TNRC18: variants seen among roughly 807,000 people sequenced by gnomAD.
The protein encoded by TNRC18 is trinucleotide repeat-containing gene 18 protein.
A neutral mutation model predicts 226.7 loss-of-function variants in TNRC18; 69 were observed. That is an observed-to-expected ratio of 0.30 (90% CI 0.25 to 0.37). The LOEUF is 0.37. Among genes scored for constraint, TNRC18 ranks in the 10% least tolerant of loss-of-function variants. The pLI is 1.00. For missense variants in TNRC18, 4,754 were observed against 4,256.6 expected (o/e 1.12, Z -3.25); for synonymous variants, 2,449 against 1,927.6 (o/e 1.27, Z -7.09).
At position 5,312,798 on chromosome 7, in the gene TNRC18, G is replaced by A. The variant is rs750779852; in HGVS notation, c.8093C>T (p.Ala2698Val). ...CTGCTTGGTGGCCTTGGTGGGGAGC[G>A]CCGCCTGCGCGGAAGGGCCAGCCGT... ...APTAGPSAQA[A>V]LPTKATKQAG... Residue 2698 changes from alanine to valine, a missense_variant, in exon 27 of 30, where the codon GCG becomes GTG. Ala to Val is a moderately conservative substitution (Grantham distance 64, BLOSUM62 0). Coordinates refer to ENST00000430969, the MANE Select transcript of TNRC18 (RefSeq NM_001080495.3). This position sits in a 1 kb window ranked among gnomAD's most constrained non-coding sequence, Gnocchi z 6.3. 214 of 1,533,320 alleles carry A rather than the reference G, an allele frequency of 1.4e-4. No individual in the cohort carries two copies. Among genetic ancestry groups the A allele is most frequent in the Non-Finnish European group, 1.7e-4 (196 of 1,144,262 alleles). The allele number at this position is 1,533,320 out of a possible 1,614,324, so 95.0% of individuals were successfully genotyped here.
intron 2 of TNRC18, 107 bp downstream of exon 2, chr7:5,420,953 G>T: frequency 7.1e-7 from 1 of 1,411,642 alleles, no homozygotes; most frequent in South Asian, 1.2e-5. Context: ...CCCCGTGGCC[G>T]ACCGAAGGAG....
At position 5,313,609 on chromosome 7, in the gene TNRC18, T is replaced by C; in HGVS notation, c.7282A>G (p.Ile2428Val). The change falls in exon 27 of 30, where the codon ATC becomes GTC. Residue 2428 changes from isoleucine (I) to valine (V), a missense_variant. Ile to Val is a conservative substitution (Grantham distance 29). Transcript: ENST00000430969. ...PATSLAPAPL[I>V]TMPATRPKPK... ...TTGGGGCGTGTGGCAGGCATGGTGA[T>C]GAGGGGTGCTGGGGCCAGGGAGGTG... The C allele has an allele frequency of 1.2e-6, 2 of 1,603,218 alleles. No individual in the cohort carries two copies.
At chr7:5,362,854 C>A in intron 11 of TNRC18, 29 bp from the exon 12 acceptor site, 1 of 1,474,822 alleles carries the variant, frequency 6.8e-7, no homozygotes, top group Admixed American at 2.5e-5. Context: ...TAACAGGGCG[C>A]TGCTGCCACC....
intron 2 of TNRC18, among the ~76,000 whole-genome samples, chr7:5,410,462 G>T (rs1242626162): frequency 2.6e-5 from 4 of 152,060 alleles, no homozygotes; most frequent in Non-Finnish European, 4.4e-5. Flanking sequence ...CAGAATGAAA[G>T]TCTTGAGTTT....
Position 5,370,932 on chromosome 7 carries a change from T to C in TNRC18, c.3662A>G (p.Asp1221Gly), listed in dbSNP as rs761963892. 6.2e-7 allele frequency: 1 copy of C among 1,605,232 alleles called. No individual in the cohort carries two copies. Among genetic ancestry groups the C allele is most frequent in the South Asian group, 1.1e-5 (1 of 91,078 alleles). Residue 1221 changes from aspartate (D) to glycine (G), a missense_variant, in exon 11 of 30, where the codon GAC (aspartate) becomes GGC (glycine). Asp to Gly is a moderately conservative substitution (Grantham distance 94). Coordinates refer to ENST00000430969, the MANE Select transcript of TNRC18 (RefSeq NM_001080495.3). ...CCGTGGTTCAGGCCCCTCCACAAAGTCTGGACACTCAGAGGGCTCTGCGCA... is the reference window on the plus strand; with the variant it reads ...CCGTGGTTCAGGCCCCTCCACAAAGCCTGGACACTCAGAGGGCTCTGCGCA... Reference protein sequence around the residue: ...QSCAEPSECPDFVEGPEPRVD... With the variant: ...QSCAEPSECPGFVEGPEPRVD...
chr7:5,334,415 G>C (rs985745335), intron 18 of TNRC18, among the ~76,000 whole-genome samples: 1 of 151,194 alleles, frequency 6.6e-6, no homozygotes, highest in Non-Finnish European at 1.5e-5. Flanking sequence ...TCCTGCCTCA[G>C]CCTCCTGAGT....
chr7:5,356,794 C>G lies in TNRC18; in HGVS notation c.5194+122G>C, dbSNP rs369679026. On this transcript the variant is annotated intron_variant, in intron 16 of 29. Coordinates refer to ENST00000430969, the MANE Select transcript of TNRC18 (RefSeq NM_001080495.3). ...CAAGCTCAGGCACTGTAGTGCGCCC[C>G]AGAGAGAGAGCGAGAGCGAGAGAGA... 2.6e-5 allele frequency: 36 copies of G among 1,366,536 alleles called. No homozygotes were observed. In the African/African-American group the frequency reaches 4.5e-4, roughly 17 times the overall value. The allele number at this position is 1,366,536 out of a possible 1,614,324, so 84.7% of individuals were successfully genotyped here. A position where few individuals can be genotyped will look rare whatever the true frequency, so the allele number is the denominator to read the frequency against.
At chr7:5,385,134 C>T (rs1168063984) in intron 5 of TNRC18, among the ~76,000 whole-genome samples, 1 of 152,182 alleles carries the variant, frequency 6.6e-6, no homozygotes, top group Non-Finnish European at 1.5e-5. Flanking sequence ...GCACTGCAGG[C>T]GGGAGGTCCA....
intron 5 of TNRC18, among the ~76,000 whole-genome samples, chr7:5,384,640 G>A (rs1203405922): frequency 6.6e-6 from 1 of 152,150 alleles, no homozygotes; most frequent in Non-Finnish European, 1.5e-5. Context: ...CATGTGACGG[G>A]AGGATCCTTC....
intron 18 of TNRC18, 45 bp downstream of exon 18, chr7:5,345,517 G>GCCTCCCCCCCCCC: frequency 2.6e-6 from 1 of 377,744 alleles, no homozygotes; most frequent in Non-Finnish European, 4.8e-6. Flanking sequence ...AATGGCGTCC[G>GCCTCCCCCCCCCC]CCCCTCCCAC....
intron 2 of TNRC18, among the ~76,000 whole-genome samples, chr7:5,396,438 G>A (rs895326237): frequency 2.6e-5 from 4 of 152,124 alleles, no homozygotes; most frequent in African/African-American, 9.7e-5. Context: ...GAGAGGATGG[G>A]TTGAGCCCAG....
At chr7:5,338,846 G>C (rs1583827089) in intron 18 of TNRC18, among the ~76,000 whole-genome samples, 1 of 150,546 alleles carries the variant, frequency 6.6e-6, no homozygotes, top group East Asian at 2.0e-4. Flanking sequence ...CTTGAACCCG[G>C]GAGGTGGAGG....
At position 5,389,147 on chromosome 7, in the gene TNRC18, CG is replaced by C; in HGVS notation, c.676del (p.Arg226AlafsTer16). ...PPPLFGKKDP[R>X]ARGEEASGPR... ...CCCCGAGGCCTCCTCGCCCCGGGCG[CG>C]CGGGTCCTTCTTGCCGAAAAGCGGA... is the stretch of plus-strand genomic sequence containing the variant. On this transcript the variant is annotated frameshift_variant, in exon 5 of 30. Coordinates refer to ENST00000430969, the MANE Select transcript of TNRC18 (RefSeq NM_001080495.3). LOFTEE classifies it high-confidence loss of function. 1 of 1,321,948 alleles carries C rather than the reference CG, an allele frequency of 7.6e-7. No individual in the cohort carries two copies. Among genetic ancestry groups the C allele is most frequent in the Non-Finnish European group, 9.7e-7 (1 of 1,036,082 alleles). The allele number at this position is 1,321,948 out of a possible 1,614,324, so 81.9% of individuals were successfully genotyped here. A position where few individuals can be genotyped will look rare whatever the true frequency, so the allele number is the denominator to read the frequency against.
At position 5,309,153 on chromosome 7, in the gene TNRC18, G is replaced by C. The variant is rs141271017; in HGVS notation, c.8604C>G (p.Gly2868=). ...TCACCTGGCCCTGGTGGAACTGCTTGCCCGGGCTGGTCTCCTCGGGGTGGT... is the reference window on the plus strand; with the variant it reads ...TCACCTGGCCCTGGTGGAACTGCTTCCCCGGGCTGGTCTCCTCGGGGTGGT... ...WFYHPEETSP[G]KQFHQGQHWD... is the part of the protein sequence containing the mutation. Residue 2868 remains glycine (G), a synonymous_variant, in exon 28 of 30, where the codon GGC becomes GGG. Coordinates refer to ENST00000430969, the MANE Select transcript of TNRC18 (RefSeq NM_001080495.3). This position sits in a 1 kb window ranked among gnomAD's most constrained non-coding sequence, Gnocchi z 5.7. 1,441 of 1,610,846 alleles carry C rather than the reference G, an allele frequency of 8.9e-4. 8 individuals carry two copies. The African/African-American group carries it at 0.017, about 19-fold the overall frequency.
chr7:5,376,347 G>C (rs1034487013), intron 8 of TNRC18, 123 bp from the exon 9 acceptor site: 1 of 922,734 alleles, frequency 1.1e-6, no homozygotes, highest in Non-Finnish European at 1.6e-6. Flanking sequence ...GGCTCTCTGC[G>C]GGCCCCCGGC....
intron 2 of TNRC18, 181 bp downstream of exon 2, chr7:5,420,879 C>A (rs1344772580): frequency 5.1e-6 from 4 of 780,820 alleles, no homozygotes; most frequent in Non-Finnish European, 8.5e-6. Flanking sequence ...CCGCGCGACA[C>A]TCTCCACCGC....
Position 5,324,847 on chromosome 7 carries a change from T to C in TNRC18, c.6300+249A>G, listed in dbSNP as rs546092842. On this transcript the variant is annotated intron_variant, in intron 20 of 29. Transcript: ENST00000430969. The surrounding 1 kb of genome is among the most constrained non-coding windows in gnomAD (Gnocchi z 4.8). The stretch of plus-strand genomic sequence containing the variant: ...GGGCTGGGGGCCTGTCACCCAGGTC[T>C]CCTGGTCTCTGTTCCAGTGTCCCTC... Among the ~76,000 whole-genome samples the C allele has an allele frequency of 2.0e-4, 31 of 152,320 alleles. No individual in the cohort carries two copies. Among genetic ancestry groups the C allele is most frequent in the African/African-American group, 7.5e-4 (31 of 41,582 alleles).
chr7:5,369,122 C>T lies in TNRC18; in HGVS notation c.4219+1253G>A, dbSNP rs571162091. ...CAGCACTTTGGGAGGCCAAGGCAGG[C>T]GGGTCACTTGAGGTCGGGAGTTCGA... is the stretch of plus-strand genomic sequence containing the variant. On this transcript the variant is annotated intron_variant, in intron 11 of 29. Coordinates refer to ENST00000430969, the MANE Select transcript of TNRC18 (RefSeq NM_001080495.3). Among the ~76,000 whole-genome samples the T allele has an allele frequency of 1.6e-4, 24 of 152,094 alleles. No individual in the cohort carries two copies. In the South Asian group the frequency reaches 2.7e-3, roughly 17 times the overall value.
intron 17 of TNRC18, among the ~76,000 whole-genome samples, chr7:5,349,162 A>G (rs1791520896): frequency 6.6e-6 from 1 of 152,182 alleles, no homozygotes; most frequent in Non-Finnish European, 1.5e-5. Flanking sequence ...AGAGCAGCCC[A>G]ATGCCCGCAC....
Sources: gnomAD v4.1 joint callset for allele counts (sites outside exome capture counted in the v4.1 genomes callset) on GRCh38, gnomAD v4.1.1 for gene constraint, Gnocchi (gnomAD v3.1) non-coding constraint, MANE v1.5 for transcripts, NCBI Gene and HGNC (gene_info 2026-07-23, HGNC 2026-07-21) for gene names.